NOX1: variants seen among roughly 807,000 people sequenced by gnomAD.
NOX1 encodes NADH/NADPH mitogenic oxidase subunit P65-MOX.
In NOX1, 34 loss-of-function variants were observed where a neutral mutation model predicts 42.5. The ratio of observed to expected loss-of-function variants is 0.80; its 90% CI spans 0.61 to 1.07. The LOEUF (loss-of-function observed/expected upper bound fraction) is 1.07. Among genes scored for constraint, NOX1 ranks in the 50% least tolerant of loss-of-function variants. The pLI, the probability that NOX1 is intolerant of heterozygous loss-of-function variation, is 0.00. For missense variants in NOX1, 408 were observed against 427.0 expected (o/e 0.96, Z 0.39); for synonymous variants, 143 against 152.5 (o/e 0.94, Z 0.46).
chrX:100,843,425 A>G lies in NOX1; in HGVS notation c.*527T>C, dbSNP rs2085049451. The G allele has an allele frequency of 8.8e-7, 1 of 1,136,310 alleles. No individual in the cohort carries two copies. Among genetic ancestry groups the G allele is most frequent in the Non-Finnish European group, 1.2e-6 (1 of 861,745 alleles). The allele number at this position is 1,136,310 out of a possible 1,213,427, so 93.6% of individuals were successfully genotyped here. A position where few individuals can be genotyped will look rare whatever the true frequency, so the allele number is the denominator to read the frequency against. On this transcript the variant is annotated 3_prime_UTR_variant, in exon 13 of 13. Coordinates refer to ENST00000372966, the MANE Select transcript of NOX1 (RefSeq NM_007052.5). ...ATATCAAAAGTGACAGTAAACATGTACACTGTTGGTGTTATATGGGGATGG... is the reference window on the plus strand; with the variant it reads ...ATATCAAAAGTGACAGTAAACATGTGCACTGTTGGTGTTATATGGGGATGG...
rs1280144721 is a variant in NOX1, at chrX:100,872,595, G to A, written c.45+1500C>T. On this transcript the variant is annotated intron_variant, in intron 1 of 12. Transcript: ENST00000372966. ...GTTTGGTGGGGGATGAAAATTCAAA[G>A]CTAGAGAGTTAAATGTGAGTCACCA... is the stretch of plus-strand genomic sequence containing the variant. Among the ~76,000 whole-genome samples the A allele has an allele frequency of 3.6e-5, 4 of 111,429 alleles. No homozygotes were observed. In the East Asian group the frequency reaches 1.1e-3, roughly 31 times the overall value.
At chrX:100,847,410 A>G (rs920828339) in intron 12 of NOX1, among the ~76,000 whole-genome samples, 10 of 111,146 alleles carry the variant, frequency 9.0e-5, no homozygotes, top group African/African-American at 3.0e-4. Flanking sequence ...GTGGGCAAGA[A>G]CCATATCCTA....
At chrX:100,848,818 G>A in intron 11 of NOX1, 64 bp from the exon 12 acceptor site, 2 of 1,121,121 alleles carry the variant, frequency 1.8e-6, no homozygotes, top group Admixed American at 2.3e-5. Context: ...GCTCACGCCT[G>A]TAATCCCAAT....
At position 100,846,975 on chromosome X, in the gene NOX1, G is replaced by A. The variant is rs1269014540; in HGVS notation, c.1568+1655C>T. On this transcript the variant is annotated intron_variant, in intron 12 of 12. Transcript: ENST00000372966. ...GGCTGAGGTGAGTGAATCACCTGAG[G>A]TCAGGAGTTCGAGACCAGCCTGGCC... Among the ~76,000 whole-genome samples the A allele has an allele frequency of 3.6e-5, 4 of 111,565 alleles. No homozygotes were observed. In the East Asian group the frequency reaches 8.5e-4, roughly 24 times the overall value.
At position 100,843,984 on chromosome X, in the gene NOX1, C is replaced by T. The variant is rs1234114377; in HGVS notation, c.1663G>A (p.Val555Ile). ...TTTTCTTTGTTGAAGTAGAATTGAA[C>T]CTTTCTAGGATCCAGACTGGAATAT... ...HRYSSLDPRK[V>I]QFYFNKENF The change falls in exon 13 of 13, where the codon GTT (valine) becomes ATT (isoleucine). Residue 555 changes from valine to isoleucine, a missense_variant. Coordinates refer to ENST00000372966, the MANE Select transcript of NOX1 (RefSeq NM_007052.5). 4 of 1,204,875 alleles carry T rather than the reference C, an allele frequency of 3.3e-6. No homozygotes were observed. The highest frequency in any genetic ancestry group is 3.0e-5 in the East Asian group (1 of 33,743).
At position 100,861,721 on chromosome X, in the gene NOX1, T is replaced by TG. The variant is rs774640628; in HGVS notation, c.804+449dup. Among the ~76,000 whole-genome samples the TG allele has an allele frequency of 5.4e-5, 6 of 112,099 alleles. No individual in the cohort carries two copies. In the South Asian group the frequency reaches 2.3e-3, roughly 42 times the overall value. On this transcript the variant is annotated intron_variant, in intron 7 of 12. Transcript: ENST00000372966. Reference sequence around the variant, plus strand: ...TCAAACCTTTGGAATCCAAAAGGCCTGGGTTTGTATTCAAGCTCCACTACT... The same window carrying TG: ...TCAAACCTTTGGAATCCAAAAGGCCTGGGGTTTGTATTCAAGCTCCACTACT...
chrX:100,862,660 T>A lies in NOX1; in HGVS notation c.489+9A>T, dbSNP rs1307877944. On this transcript the variant is annotated intron_variant, in intron 5 of 12. Coordinates refer to ENST00000372966, the MANE Select transcript of NOX1 (RefSeq NM_007052.5). ...AGATCTCAGATGCTTTGCTAGAAAGTCAACTCACCGTGTTTCGGGACTGGA... is the reference window on the plus strand; with the variant it reads ...AGATCTCAGATGCTTTGCTAGAAAGACAACTCACCGTGTTTCGGGACTGGA... 1 of 1,192,275 alleles carries A rather than the reference T, an allele frequency of 8.4e-7. No individual in the cohort carries two copies. The highest frequency in any genetic ancestry group is 2.4e-5 in the Admixed American group (1 of 42,119).
chrX:100,870,411 C>G (rs1470065486), intron 2 of NOX1, among the ~76,000 whole-genome samples: 3 of 111,454 alleles, frequency 2.7e-5, no homozygotes, highest in Non-Finnish European at 5.6e-5. Context: ...TTTATTGGGT[C>G]TGGGTAGTGT....
At chrX:100,864,187 G>T (rs1001438149) in intron 2 of NOX1, among the ~76,000 whole-genome samples, 3 of 111,347 alleles carry the variant, frequency 2.7e-5, no homozygotes, top group Non-Finnish European at 5.7e-5. Context: ...ACAGGGTTTT[G>T]CCATGTTGCC....
At chrX:100,850,959 C>T (rs1360116830) in intron 8 of NOX1, among the ~76,000 whole-genome samples, 1 of 111,353 alleles carries the variant, frequency 9.0e-6, no homozygotes, top group African/African-American at 3.3e-5. Context: ...CCCGCCTCAG[C>T]CTCCCAAGTA....
chrX:100,846,651 C>A (rs2085075146), intron 12 of NOX1, among the ~76,000 whole-genome samples: 1 of 111,835 alleles, frequency 8.9e-6, no homozygotes, highest in Non-Finnish European at 1.9e-5. Context: ...CTCTCTCTCT[C>A]TCCTGACAAC....
At chrX:100,867,656 G>C (rs1307417130) in intron 2 of NOX1, among the ~76,000 whole-genome samples, 1 of 110,802 alleles carries the variant, frequency 9.0e-6, no homozygotes, top group Non-Finnish European at 1.9e-5. Context: ...GCTGAAGCCT[G>C]GGAGAGTCGA....
chrX:100,859,588 C>T (rs1335259641), intron 7 of NOX1, among the ~76,000 whole-genome samples: 1 of 110,293 alleles, frequency 9.1e-6, no homozygotes, highest in East Asian at 2.8e-4. Flanking sequence ...TAGTTGTAGG[C>T]TTTTTTATTA....
intron 12 of NOX1, among the ~76,000 whole-genome samples, chrX:100,847,448 G>A (rs1365189939): frequency 9.0e-6 from 1 of 111,009 alleles, no homozygotes; most frequent in Non-Finnish European, 1.9e-5. Context: ...AAAGCTTCTA[G>A]AATGGTGAGA....
At chrX:100,853,268 TTC>T (rs1569445482) in intron 7 of NOX1, among the ~76,000 whole-genome samples, 2 of 42,324 alleles carry the variant, frequency 4.7e-5, no homozygotes, top group African/African-American at 2.2e-4. Flanking sequence ...CTTCCTTTCT[TTC>T]TTTCTTTCTT....
rs1399113696 is a variant in NOX1, at chrX:100,849,837, C to T, written c.1231G>A (p.Ala411Thr). The part of the protein sequence containing the change: ...VGAGIGVTPF[A>T]SILKSIWYKF... ...TACCAGATGGATTTCAAGATAGAAGCAAAGGGGGTGACCCCAATTCCTGCT... is the reference window on the plus strand; with the variant it reads ...TACCAGATGGATTTCAAGATAGAAGTAAAGGGGGTGACCCCAATTCCTGCT... The change falls in exon 10 of 13, where the codon GCT (alanine) becomes ACT (threonine). Residue 411 changes from alanine to threonine, a missense_variant. Ala to Thr is a moderately conservative substitution (Grantham distance 58, BLOSUM62 0). Transcript: ENST00000372966. 1 of 1,211,272 alleles carries T rather than the reference C, an allele frequency of 8.3e-7. No individual in the cohort carries two copies. The highest frequency in any genetic ancestry group is 1.1e-6 in the Non-Finnish European group (1 of 895,061).
intron 7 of NOX1, among the ~76,000 whole-genome samples, chrX:100,853,242 T>TTTCCTTCC (rs746546716): frequency 3.5e-5 from 2 of 57,646 alleles, no homozygotes; most frequent in Admixed American, 1.9e-4. Flanking sequence ...TTTTTCTTTC[T>TTTCCTTCC]TTCCTTCCTT....
chrX:100,856,007 A>G (rs1386687869), intron 7 of NOX1: 27 of 1,094,239 alleles, frequency 2.5e-5, no homozygotes, highest in Non-Finnish European at 3.1e-5. Flanking sequence ...AAACTGTTCA[A>G]AGTAATCTCT....
At chrX:100,859,728 T>C (rs2085190903) in intron 7 of NOX1, among the ~76,000 whole-genome samples, 1 of 108,288 alleles carries the variant, frequency 9.2e-6, no homozygotes, top group South Asian at 4.0e-4. Flanking sequence ...TTAGTTTGTG[T>C]GCATAGAGAT....
Sources: gnomAD v4.1 joint callset for allele counts (sites outside exome capture counted in the v4.1 genomes callset) on GRCh38, gnomAD v4.1.1 for gene constraint, MANE v1.5 for transcripts, NCBI Gene and HGNC (gene_info 2026-07-23, HGNC 2026-07-21) for gene names.